Variants in RAD51B observed in about 807,000 individuals in gnomAD.
The protein encoded by RAD51B is RAD51 paralog B, also known as DNA repair protein RAD51 homolog 2.
In RAD51B, 38 loss-of-function variants were observed where a neutral mutation model predicts 42.2. The observed-to-expected ratio is 0.90, with a 90% CI of 0.70 to 1.18. RAD51B has a LOEUF of 1.18. RAD51B is among the 50% of genes most tolerant of loss of function. The pLI is 0.00. For synonymous variants in RAD51B, 154 were observed against 145.2 expected (o/e 1.06, Z -0.43); for missense variants, 373 against 400.7 (o/e 0.93, Z 0.59).
At chr14:68,681,533 A>C (rs2140164314) in intron 11 of RAD51B, among the ~76,000 whole-genome samples, 1 of 152,364 alleles carries the variant, frequency 6.6e-6, no homozygotes, top group Admixed American at 6.5e-5. Flanking sequence ...AAGAAAAGGC[A>C]GGCAAGATGG....
At chr14:67,975,882 A>G (rs927960952) in intron 7 of RAD51B, among the ~76,000 whole-genome samples, 7 of 152,218 alleles carry the variant, frequency 4.6e-5, no homozygotes, top group African/African-American at 1.7e-4. Context: ...ACTTGATTTA[A>G]CAGACCAAAC....
intron 7 of RAD51B, among the ~76,000 whole-genome samples, chr14:67,931,656 C>T (rs993331892): frequency 2.0e-5 from 3 of 151,978 alleles, no homozygotes; most frequent in African/African-American, 7.2e-5. Context: ...GTGCCCACCA[C>T]CACGCCTGGC....
chr14:67,997,620 T>C (rs2075407496), intron 7 of RAD51B, among the ~76,000 whole-genome samples: 2 of 152,210 alleles, frequency 1.3e-5, no homozygotes, highest in Non-Finnish European at 2.9e-5. Context: ...TGTTTGTCAT[T>C]TGTTGAGATG....
intron 10 of RAD51B, among the ~76,000 whole-genome samples, chr14:68,639,440 C>T (rs1344907432): frequency 6.6e-6 from 1 of 152,148 alleles, no homozygotes; most frequent in Non-Finnish European, 1.5e-5. Context: ...CACCTGGCCC[C>T]TCCTGCATGC....
intron 7 of RAD51B, among the ~76,000 whole-genome samples, chr14:68,045,178 G>A (rs529746472): frequency 7.3e-6 from 1 of 136,498 alleles, no homozygotes; most frequent in Admixed American, 8.0e-5. Context: ...AGAGGTTGTA[G>A]TGAGCCAAGA....
chr14:68,226,014 C>A (rs896621703), intron 7 of RAD51B, among the ~76,000 whole-genome samples: 9 of 152,136 alleles, frequency 5.9e-5, no homozygotes, highest in African/African-American at 2.2e-4. Context: ...TTGATGGCTT[C>A]CTGGAAATCC....
intron 7 of RAD51B, among the ~76,000 whole-genome samples, chr14:67,994,126 C>T (rs897070956): frequency 4.6e-5 from 7 of 151,566 alleles, no homozygotes; most frequent in Non-Finnish European, 1.0e-4. Context: ...ATATTTTCTT[C>T]CTTTTCCTTT....
At chr14:68,292,559 A>G (rs2139663594) in intron 8 of RAD51B, among the ~76,000 whole-genome samples, 1 of 152,286 alleles carries the variant, frequency 6.6e-6, no homozygotes. Flanking sequence ...GGTGGTTTCT[A>G]GTTTTATTGA....
At chr14:67,940,991 G>T (rs1054746614) in intron 7 of RAD51B, among the ~76,000 whole-genome samples, 2 of 152,004 alleles carry the variant, frequency 1.3e-5, no homozygotes, top group Admixed American at 6.6e-5. Context: ...ATATTTGTGG[G>T]GTTTGTTTTT....
At chr14:68,633,989 T>C (rs552795648) in intron 10 of RAD51B, among the ~76,000 whole-genome samples, 1 of 152,314 alleles carries the variant, frequency 6.6e-6, no homozygotes, top group African/African-American at 2.4e-5. Flanking sequence ...TGTCTTCCAG[T>C]TGCTTGTCAC....
chr14:68,449,149 C>T lies in RAD51B; in HGVS notation c.958-19023C>T, dbSNP rs979772985. 1.9e-4 allele frequency among the ~76,000 whole-genome samples: 29 copies of T among 152,134 alleles called. 1 individual carries two copies. The highest frequency in any genetic ancestry group is 5.9e-5 in the Non-Finnish European group (4 of 67,990). ...GTTAAGAGGATAACATAAAAATGAA[C>T]GAAATGTTGTGTTCCTTAAAAACTC... On this transcript the variant is annotated intron_variant, in intron 9 of 10. Transcript: ENST00000471583.
intron 8 of RAD51B, chr14:68,306,756 C>A: frequency 2.7e-6 from 1 of 372,980 alleles, no homozygotes; most frequent in Non-Finnish European, 5.5e-6. Flanking sequence ...ACTTGCATGG[C>A]CGAAGTGAGA....
At chr14:68,635,331 G>A (rs550805024) in intron 10 of RAD51B, among the ~76,000 whole-genome samples, 1 of 152,172 alleles carries the variant, frequency 6.6e-6, no homozygotes, top group South Asian at 2.1e-4. Flanking sequence ...TATAGTGGAG[G>A]GTGCTCTGTG....
chr14:68,648,011 ATATATATATACG>A lies in RAD51B; in HGVS notation c.1037-2759_1037-2748del, dbSNP rs1483431656. Among the ~76,000 whole-genome samples the A allele has an allele frequency of 8.0e-5, 8 of 99,942 alleles. 1 individual carries two copies. The highest frequency in any genetic ancestry group is 1.6e-4 in the African/African-American group (4 of 24,606). The allele number at this position is 99,942 out of a possible 152,430, so 65.6% of individuals were successfully genotyped here. On this transcript the variant is annotated intron_variant, in intron 10 of 11. Transcript: ENST00000488612. ...AGTTTTTTAAAAATTGAGCATATAT[ATATATATATACG>A]TATATATATATATACACACGTATAT...
At chr14:67,841,541 T>G (rs2041427612) in intron 4 of RAD51B, among the ~76,000 whole-genome samples, 1 of 152,230 alleles carries the variant, frequency 6.6e-6, no homozygotes, top group Admixed American at 6.5e-5. Flanking sequence ...CTAGGATTTT[T>G]ATGGGTTGGG....
chr14:68,008,933 C>T (rs765586792), intron 7 of RAD51B, among the ~76,000 whole-genome samples: 1 of 151,906 alleles, frequency 6.6e-6, no homozygotes, highest in African/African-American at 2.4e-5. Flanking sequence ...AGTTTGCTGT[C>T]GTAGAGATAC....
intron 5 of RAD51B, among the ~76,000 whole-genome samples, chr14:67,867,797 A>G (rs895772135): frequency 6.6e-6 from 1 of 152,220 alleles, no homozygotes; most frequent in Non-Finnish European, 1.5e-5. Flanking sequence ...GGGAAATATG[A>G]GACGCAAAAA....
chr14:68,424,197 A>G (rs1388534354), intron 9 of RAD51B, among the ~76,000 whole-genome samples: 6 of 151,958 alleles, frequency 3.9e-5, no homozygotes, highest in Admixed American at 3.9e-4. Context: ...AATGATATCT[A>G]TTTCTTCATT....
At chr14:68,335,108 C>G (rs2082424235) in intron 8 of RAD51B, among the ~76,000 whole-genome samples, 1 of 150,214 alleles carries the variant, frequency 6.7e-6, no homozygotes, top group African/African-American at 2.4e-5. Flanking sequence ...ACCAGCCTGG[C>G]CAACATAGTC....
Sources: gnomAD v4.1 joint callset for allele counts (sites outside exome capture counted in the v4.1 genomes callset) on GRCh38, gnomAD v4.1.1 for gene constraint, MANE v1.5 for transcripts, NCBI Gene and HGNC (gene_info 2026-07-23, HGNC 2026-07-21) for gene names.